Variants in PDCD6IP observed in about 807,000 individuals in gnomAD.
PDCD6IP encodes the protein programmed cell death 6-interacting protein.
PDCD6IP carries 43 observed loss-of-function variants against 103.7 expected under a neutral mutation model. The observed-to-expected ratio is 0.41, with a 90% CI of 0.32 to 0.53. The LOEUF (loss-of-function observed/expected upper bound fraction) is 0.53, where lower values mean the gene tolerates loss of function less well. PDCD6IP is among the 20% of genes least tolerant of loss of function. The pLI, the probability that PDCD6IP is intolerant of heterozygous loss-of-function variation, is 0.16. For missense variants in PDCD6IP, 871 were observed against 1,036.7 expected (o/e 0.84, Z 2.20); for synonymous variants, 354 against 378.7 (o/e 0.93, Z 0.76).
intron 9 of PDCD6IP, 120 bp from the exon 10 acceptor site, chr3:33,841,776 TC>T: frequency 1.4e-6 from 1 of 691,160 alleles, no homozygotes; most frequent in East Asian, 2.6e-5. Context: ...ATCCAGTTTT[TC>T]TGGGTGCTAA....
Position 33,867,397 on chromosome 3 carries a change from G to A in PDCD6IP, c.*872G>A, listed in dbSNP as rs908643737. 6.6e-6 allele frequency: 1 copy of A among 152,086 alleles called. No homozygotes were observed. Among genetic ancestry groups the A allele is most frequent in the Non-Finnish European group, 1.5e-5 (1 of 68,016 alleles). 9.4% of individuals were successfully genotyped at this position (152,086 alleles called of 1,614,324 possible). A position where few individuals can be genotyped will look rare whatever the true frequency, so the allele number is the denominator to read the frequency against. On this transcript the variant is annotated 3_prime_UTR_variant, in exon 18 of 18. Coordinates refer to ENST00000307296, the MANE Select transcript of PDCD6IP (RefSeq NM_013374.6). Reference sequence around the variant, plus strand: ...CCCATAACCTGGTTAAAATAAATACGCCATTGGCAATACTTCATAATGTAA... The same window carrying A: ...CCCATAACCTGGTTAAAATAAATACACCATTGGCAATACTTCATAATGTAA...
At position 33,833,479 on chromosome 3, in the gene PDCD6IP, CCTTGTATAAATGTCTCAGT is replaced by C. The variant is rs796835982; in HGVS notation, c.835-2560_835-2542del. ...TGTGATGTCTGTTTTCCCTTTTGCT[CCTTGTATAAATGTCTCAGT>C]CTTGCTTTCTTAAATAAATTTGTAT... On this transcript the variant is annotated intron_variant, in intron 7 of 17. Transcript: ENST00000307296. Among the ~76,000 whole-genome samples the C allele has an allele frequency of 1.7e-3, 264 of 152,108 alleles. 1 individual carries two copies. The highest frequency in any genetic ancestry group is 6.2e-3 in the African/African-American group (259 of 41,528).
intron 1 of PDCD6IP, chr3:33,811,101 G>A (rs1288798185): frequency 2.3e-6 from 1 of 434,336 alleles, no homozygotes; most frequent in African/African-American, 2.1e-5. Flanking sequence ...TCCTAGGCTG[G>A]TCTCGAACTC....
intron 10 of PDCD6IP, among the ~76,000 whole-genome samples, chr3:33,843,750 A>C (rs1268641955): frequency 6.6e-6 from 1 of 152,006 alleles, no homozygotes; most frequent in Non-Finnish European, 1.5e-5. Context: ...TGAAAGTCTA[A>C]ATTTTATATT....
intron 3 of PDCD6IP, among the ~76,000 whole-genome samples, chr3:33,819,988 A>G (rs770600927): frequency 6.6e-6 from 1 of 152,216 alleles, no homozygotes; most frequent in Admixed American, 6.5e-5. Flanking sequence ...TGCCCAGTAA[A>G]TGATAACTTC....
At chr3:33,829,546 T>C (rs779675902) in intron 7 of PDCD6IP, among the ~76,000 whole-genome samples, 12 of 152,218 alleles carry the variant, frequency 7.9e-5, no homozygotes, top group South Asian at 2.1e-4. Context: ...TATGCAGTTG[T>C]GTTCATACTG....
At chr3:33,835,944 G>T (rs1559786422) in intron 7 of PDCD6IP, 100 bp from the exon 8 acceptor site, 1 of 703,870 alleles carries the variant, frequency 1.4e-6, no homozygotes, top group Non-Finnish European at 2.4e-6. Flanking sequence ...TCAGATTAAA[G>T]ATTTTTTTTT....
chr3:33,819,988 A>T (rs770600927), intron 3 of PDCD6IP, among the ~76,000 whole-genome samples: 57 of 152,334 alleles, frequency 3.7e-4, no homozygotes, highest in Non-Finnish European at 7.1e-4. Context: ...TGCCCAGTAA[A>T]TGATAACTTC....
chr3:33,865,611 T>C lies in PDCD6IP; in HGVS notation c.2432+181T>C, dbSNP rs1245969246. 2.6e-5 allele frequency among the ~76,000 whole-genome samples: 4 copies of C among 152,238 alleles called. No individual in the cohort carries two copies. The East Asian group carries it at 7.7e-4, about 29-fold the overall frequency. ...TCACTTACATGAATAGGATAGCTAT[T>C]TCCTAGGCTTTTAAAATTTATGTTT... On this transcript the variant is annotated intron_variant, in intron 17 of 17. Transcript: ENST00000307296.
intron 6 of PDCD6IP, chr3:33,826,865 A>G: frequency 1.7e-6 from 2 of 1,188,450 alleles, no homozygotes; most frequent in Non-Finnish European, 2.1e-6. Context: ...CTTTTATCAA[A>G]TCAAGGCATT....
At chr3:33,863,861 AT>A in intron 15 of PDCD6IP, 144 bp from the exon 16 acceptor site, 1 of 639,086 alleles carries the variant, frequency 1.6e-6, no homozygotes, top group Non-Finnish European at 2.8e-6. Context: ...CACTGTACTA[AT>A]TTGAAATGTA....
chr3:33,866,038 C>A (rs73057624), intron 17 of PDCD6IP, among the ~76,000 whole-genome samples: 1 of 152,146 alleles, frequency 6.6e-6, no homozygotes, highest in Non-Finnish European at 1.5e-5. Context: ...ATTTAGATGA[C>A]TAGTTTTGCC....
At chr3:33,807,650 C>T (rs1575898932) in intron 1 of PDCD6IP, among the ~76,000 whole-genome samples, 1 of 152,268 alleles carries the variant, frequency 6.6e-6, no homozygotes, top group Middle Eastern at 3.4e-3. Flanking sequence ...TCCTGTCTCC[C>T]TATGGCTCCT....
intron 12 of PDCD6IP, among the ~76,000 whole-genome samples, chr3:33,847,278 CA>C (rs1478477546): frequency 6.6e-6 from 1 of 152,204 alleles, no homozygotes; most frequent in East Asian, 1.9e-4. Context: ...GCAAAATCTG[CA>C]TTAGTATGCA....
At position 33,869,218 on chromosome 3, in the gene PDCD6IP, T is replaced by G. The variant is rs1468063497; in HGVS notation, c.*2693T>G. The G allele has an allele frequency of 6.6e-6, 1 of 152,262 alleles. No individual in the cohort carries two copies. The highest frequency in any genetic ancestry group is 2.4e-5 in the African/African-American group (1 of 41,474). The allele number at this position is 152,262 out of a possible 1,614,324, so 9.4% of individuals were successfully genotyped here. A position where few individuals can be genotyped will look rare whatever the true frequency, so the allele number is the denominator to read the frequency against. On this transcript the variant is annotated 3_prime_UTR_variant, in exon 18 of 18. Coordinates refer to ENST00000307296, the MANE Select transcript of PDCD6IP (RefSeq NM_013374.6). Reference sequence around the variant, plus strand: ...TTCTAATTTCAGAAACAGGATAATTTGTTAAGTGGGTTTCAGTTTGCTAAT... The same window carrying G: ...TTCTAATTTCAGAAACAGGATAATTGGTTAAGTGGGTTTCAGTTTGCTAAT...
intron 13 of PDCD6IP, 152 bp downstream of exon 13, chr3:33,852,888 T>A: frequency 1.0e-6 from 1 of 987,354 alleles, no homozygotes; most frequent in Non-Finnish European, 1.3e-6. Context: ...AAAATTAAAC[T>A]TGGCACATCA....
At chr3:33,832,918 CAT>C (rs1697272407) in intron 7 of PDCD6IP, among the ~76,000 whole-genome samples, 1 of 151,972 alleles carries the variant, frequency 6.6e-6, no homozygotes, top group South Asian at 2.1e-4. Context: ...TGATGGAAAA[CAT>C]ATATAAAAGT....
At chr3:33,864,527 T>C (rs1193420262) in intron 16 of PDCD6IP, among the ~76,000 whole-genome samples, 3 of 152,214 alleles carry the variant, frequency 2.0e-5, no homozygotes, top group African/African-American at 7.2e-5. Flanking sequence ...GAGATGAAAG[T>C]TTCCTTATAA....
At chr3:33,843,484 A>G (rs1211870707) in intron 10 of PDCD6IP, among the ~76,000 whole-genome samples, 1 of 152,230 alleles carries the variant, frequency 6.6e-6, no homozygotes, top group Admixed American at 6.5e-5. Context: ...CATTGTCAAA[A>G]AAGAAGAATT....
Sources: allele counts gnomAD v4.1 joint callset (sites outside exome capture counted in the v4.1 genomes callset), GRCh38; gene constraint gnomAD v4.1.1; transcripts MANE v1.5; gene names NCBI Gene and HGNC (gene_info 2026-07-23, HGNC 2026-07-21).